The following GSE1 variants were observed in gnomAD, a reference collection of about 807,000 sequenced individuals.
GSE1 encodes the protein genetic suppressor element 1.
GSE1 carries 32 observed loss-of-function variants against 112.6 expected under a neutral mutation model. That is an observed-to-expected ratio of 0.28 (90% CI 0.21 to 0.38). The LOEUF (loss-of-function observed/expected upper bound fraction) is 0.38, where lower values mean the gene tolerates loss of function less well. GSE1 is among the 10% of genes least tolerant of loss of function. The pLI is 1.00. For synonymous variants in GSE1, 1,115 were observed against 735.6 expected, an observed-to-expected ratio of 1.52 and a Z score of -8.35; for missense variants, 2,348 against 1,699.2, an observed-to-expected ratio of 1.38 and a Z score of -6.71.
rs1407575703 is a variant in GSE1, at chr16:85,648,761, G to A, written c.426+10G>A. On this transcript the variant is annotated intron_variant, in intron 3 of 15. Transcript: ENST00000253458. ...GAGTGAGAGCCGGCAGGTGAGTGGG[G>A]CGGGGCAGGGAGCCTAGCGTCCTCT... 2 of 1,546,062 alleles carry A rather than the reference G, an allele frequency of 1.3e-6. No homozygotes were observed. Among genetic ancestry groups the A allele is most frequent in the South Asian group, 1.2e-5 (1 of 85,154 alleles).
chr16:85,453,465 G>T (rs774195340), intron 2 of GSE1, among the ~76,000 whole-genome samples: 1 of 152,148 alleles, frequency 6.6e-6, no homozygotes, highest in Non-Finnish European at 1.5e-5. Context: ...GGCTGCTTGT[G>T]GGGGCTGGGT....
chr16:85,659,811 A>G (rs2052282572), intron 8 of GSE1: 2 of 152,264 alleles, frequency 1.3e-5, no homozygotes, highest in Non-Finnish European at 2.9e-5. Context: ...TTCTGATGTT[A>G]GAAATCCCTT....
At chr16:85,242,136 C>T (rs1046978282) in intron 1 of GSE1, among the ~76,000 whole-genome samples, 1 of 152,210 alleles carries the variant, frequency 6.6e-6, no homozygotes, top group Non-Finnish European at 1.5e-5. Flanking sequence ...CTGCCCATCA[C>T]ACGCCAGGCA....
At chr16:85,591,475 A>G (rs2151435118) in intron 1 of GSE1, among the ~76,000 whole-genome samples, 1 of 152,368 alleles carries the variant, frequency 6.6e-6, no homozygotes, top group Admixed American at 6.5e-5. Context: ...CTTGGTGGGA[A>G]CTGGTTCTTT....
chr16:85,371,133 G>T (rs1042958513), intron 2 of GSE1, among the ~76,000 whole-genome samples: 1 of 152,178 alleles, frequency 6.6e-6, no homozygotes, highest in Non-Finnish European at 1.5e-5. Context: ...CGCCCCCCTC[G>T]TTCCTTCCCC....
At chr16:85,448,221 C>G (rs1306391212) in intron 2 of GSE1, among the ~76,000 whole-genome samples, 1 of 152,130 alleles carries the variant, frequency 6.6e-6, no homozygotes, top group Non-Finnish European at 1.5e-5. Context: ...TTCCAGCTGC[C>G]CAGGAGCTCT....
intron 2 of GSE1, among the ~76,000 whole-genome samples, chr16:85,448,348 C>G (rs775715729): frequency 2.0e-5 from 3 of 152,174 alleles, no homozygotes; most frequent in Non-Finnish European, 4.4e-5. Context: ...CCCTGGGGTG[C>G]AAGACCCTGT....
chr16:85,288,196 C>T (rs1479132908), intron 1 of GSE1, among the ~76,000 whole-genome samples: 3 of 152,016 alleles, frequency 2.0e-5, no homozygotes, highest in Non-Finnish European at 2.9e-5. Context: ...GCTGAGATCA[C>T]GCCATTGCAC....
intron 1 of GSE1, among the ~76,000 whole-genome samples, chr16:85,292,469 C>T (rs1189504042): frequency 2.0e-5 from 3 of 152,122 alleles, no homozygotes; most frequent in African/African-American, 7.2e-5. Flanking sequence ...GCTGGGATTA[C>T]AAGCACGTGC....
chr16:85,661,845 C>T (rs552879332), intron 9 of GSE1, 80 bp downstream of exon 9: 16 of 1,333,710 alleles, frequency 1.2e-5, no homozygotes, highest in South Asian at 1.5e-5. Context: ...AGCCACCTGC[C>T]CCTCTCCGTC....
At chr16:85,235,750 G>GC in intron 1 of GSE1, among the ~76,000 whole-genome samples, 1 of 151,890 alleles carries the variant, frequency 6.6e-6, no homozygotes, top group African/African-American at 2.4e-5. Flanking sequence ...TGGGGGGCCC[G>GC]CCCGCCCCAG....
intron 1 of GSE1, among the ~76,000 whole-genome samples, chr16:85,325,255 C>T (rs919738369): frequency 6.6e-5 from 10 of 152,010 alleles, no homozygotes; most frequent in Non-Finnish European, 1.3e-4. Context: ...AGGCATGAAC[C>T]GCCGTATCCA....
intron 2 of GSE1, among the ~76,000 whole-genome samples, chr16:85,438,407 C>T (rs1010442243): frequency 3.9e-5 from 6 of 152,322 alleles, no homozygotes; most frequent in South Asian, 4.1e-4. Flanking sequence ...TCTTGGTACC[C>T]GCGCCTGCCC....
At chr16:85,329,543 G>T (rs1272326380) in intron 1 of GSE1, among the ~76,000 whole-genome samples, 1 of 152,048 alleles carries the variant, frequency 6.6e-6, no homozygotes, top group African/African-American at 2.4e-5. Context: ...CTGGGTCTCC[G>T]CAGGCTGTGG....
At chr16:85,446,259 C>T (rs746688) in intron 2 of GSE1, among the ~76,000 whole-genome samples, 9,322 of 152,236 alleles carry the variant, frequency 0.061, 333 homozygotes, top group East Asian at 0.091. Context: ...ATCAGTTGAA[C>T]GTGGGAGCTC....
intron 1 of GSE1, among the ~76,000 whole-genome samples, chr16:85,292,991 G>C (rs945642852): frequency 6.6e-6 from 1 of 152,172 alleles, no homozygotes; most frequent in Admixed American, 6.5e-5. Flanking sequence ...CATGTTTTAA[G>C]TGTCCGTTTT....
chr16:85,298,532 A>C (rs1421598592), intron 1 of GSE1, among the ~76,000 whole-genome samples: 1 of 152,062 alleles, frequency 6.6e-6, no homozygotes, highest in African/African-American at 2.4e-5. Flanking sequence ...GGTTCAAGCA[A>C]TTCTCCTGCT....
At chr16:85,270,732 G>C (rs754281030) in intron 1 of GSE1, among the ~76,000 whole-genome samples, 5 of 126,156 alleles carry the variant, frequency 4.0e-5, no homozygotes, top group Non-Finnish European at 7.9e-5. Flanking sequence ...GCTCCCGCCA[G>C]CTGGAGAGAA....
chr16:85,594,413 C>A (rs1209437149), intron 1 of GSE1: 1 of 152,176 alleles, frequency 6.6e-6, no homozygotes, highest in Non-Finnish European at 1.5e-5. Context: ...TGGACGGTCG[C>A]CTGGCCAGGG....
Sources: gnomAD v4.1 joint callset for allele counts (sites outside exome capture counted in the v4.1 genomes callset) on GRCh38, gnomAD v4.1.1 for gene constraint, MANE v1.5 for transcripts, NCBI Gene and HGNC (gene_info 2026-07-23, HGNC 2026-07-21) for gene names.